Variants in PLAC8 observed in about 807,000 individuals in gnomAD.
PLAC8 encodes placenta associated 8.
In PLAC8, 6 loss-of-function variants were observed where a neutral mutation model predicts 12.6. The observed-to-expected ratio is 0.48, with a 90% CI of 0.26 to 0.94. PLAC8 has a LOEUF of 0.94. Ranked by LOEUF, PLAC8 falls within the 40% of genes least tolerant of loss-of-function variation. The pLI, the probability that PLAC8 is intolerant of heterozygous loss-of-function variation, is 0.14. For missense variants in PLAC8, 122 were observed against 152.7 expected, an observed-to-expected ratio of 0.80 and a Z score of 1.06; for synonymous variants, 54 against 52.6, an observed-to-expected ratio of 1.03 and a Z score of -0.11.
In PLAC8 at chr4:83,094,793, T is replaced by C; in HGVS notation, c.244-2A>G. 6 of 1,529,190 alleles carry C rather than the reference T, an allele frequency of 3.9e-6. No individual in the cohort carries two copies. Among genetic ancestry groups the C allele is most frequent in the Non-Finnish European group, 5.3e-6 (6 of 1,130,784 alleles). 94.7% of individuals were successfully genotyped at this position (1,529,190 alleles called of 1,614,324 possible). A position where few individuals can be genotyped will look rare whatever the true frequency, so the allele number is the denominator to read the frequency against. On this transcript the variant is annotated splice_acceptor_variant, in intron 3 of 4. Coordinates refer to ENST00000311507, the MANE Select transcript of PLAC8 (RefSeq NM_016619.3). LOFTEE classifies it high-confidence loss of function. ...CATATAGTCATCACAAATAGATCCC[T>C]GTTTGAAAACCAAAAAGAAATAAAA...
At chr4:83,112,104 G>A (rs1732434656) in intron 1 of PLAC8, among the ~76,000 whole-genome samples, 1 of 151,546 alleles carries the variant, frequency 6.6e-6, no homozygotes, top group African/African-American at 2.4e-5. Context: ...AACCCAGGAG[G>A]TGGAGGTTGT....
intron 1 of PLAC8, among the ~76,000 whole-genome samples, chr4:83,110,273 C>T (rs1047087700): frequency 7.8e-6 from 1 of 129,020 alleles, no homozygotes; most frequent in Non-Finnish European, 1.6e-5. Flanking sequence ...GATTTGAATG[C>T]TTATTAGATG....
chr4:83,098,090 C>T (rs185139495), intron 3 of PLAC8, among the ~76,000 whole-genome samples: 2 of 152,216 alleles, frequency 1.3e-5, no homozygotes, highest in East Asian at 3.9e-4. Flanking sequence ...ATCTCCTGAC[C>T]TTGTGATCTG....
At chr4:83,097,401 A>G (rs565428176) in intron 3 of PLAC8, among the ~76,000 whole-genome samples, 1 of 152,310 alleles carries the variant, frequency 6.6e-6, no homozygotes, top group Admixed American at 6.5e-5. Context: ...GGAAATAAGG[A>G]CAGTTTTAAA....
chr4:83,100,084 C>A (rs1394157069), intron 3 of PLAC8, among the ~76,000 whole-genome samples: 1 of 150,916 alleles, frequency 6.6e-6, no homozygotes, highest in Non-Finnish European at 1.5e-5. Context: ...TCTTGCCTAA[C>A]ATCCTGCCTA....
rs924843639 is a variant in PLAC8, at chr4:83,090,250, C to G, written c.*731G>C. ...ACATAGAAAGACCCCCAACTCTAGG[C>G]TGGACGCGGTGGCTCATGCCTGTAA... On this transcript the variant is annotated 3_prime_UTR_variant, in exon 5 of 5. Coordinates refer to ENST00000311507, the MANE Select transcript of PLAC8 (RefSeq NM_016619.3). 6.6e-6 allele frequency: 1 copy of G among 151,534 alleles called. No homozygotes were observed. The highest frequency in any genetic ancestry group is 1.5e-5 in the Non-Finnish European group (1 of 67,946). The allele number at this position is 151,534 out of a possible 1,614,324, so 9.4% of individuals were successfully genotyped here.
intron 1 of PLAC8, among the ~76,000 whole-genome samples, chr4:83,109,153 G>T (rs929232590): frequency 6.6e-6 from 1 of 152,124 alleles, no homozygotes; most frequent in Non-Finnish European, 1.5e-5. Context: ...TTAACTAGCC[G>T]TTTAAATGTC....
rs1184392225 is a variant in PLAC8, at chr4:83,114,658, G to A, written c.-30+8C>T. On this transcript the variant is annotated splice_region_variant and intron_variant, in intron 1 of 4. Coordinates refer to ENST00000311507, the MANE Select transcript of PLAC8 (RefSeq NM_016619.3). ...TTTAAAACAAGTTCTTACTTGTAAA[G>A]TACTTACAATTAGTAAACAAGGTTC... 6.6e-6 allele frequency: 1 copy of A among 151,614 alleles called. No individual in the cohort carries two copies. The highest frequency in any genetic ancestry group is 1.5e-5 in the Non-Finnish European group (1 of 67,956). The allele number at this position is 151,614 out of a possible 1,614,324, so 9.4% of individuals were successfully genotyped here. A position where few individuals can be genotyped will look rare whatever the true frequency, so the allele number is the denominator to read the frequency against.
At chr4:83,094,312 A>G (rs922781251) in intron 4 of PLAC8, 1 of 164,974 alleles carries the variant, frequency 6.1e-6, no homozygotes, top group African/African-American at 2.4e-5. Flanking sequence ...CTTCTATTTT[A>G]TAATTATTTA....
At chr4:83,104,784 A>G in intron 3 of PLAC8, 112 bp downstream of exon 3, 1 of 1,149,422 alleles carries the variant, frequency 8.7e-7, no homozygotes, top group Non-Finnish European at 1.3e-6. Flanking sequence ...CATGCTAGGG[A>G]ACTCTTATCA....
chr4:83,091,057 T>C (rs1731796641), intron 4 of PLAC8, 86 bp from the exon 5 acceptor site: 1 of 152,188 alleles, frequency 6.6e-6, no homozygotes, highest in Admixed American at 6.5e-5. Flanking sequence ...TCATTTTTGA[T>C]TGACGGAAAA....
intron 1 of PLAC8, among the ~76,000 whole-genome samples, chr4:83,109,166 C>G (rs79224633): frequency 6.6e-6 from 1 of 152,220 alleles, no homozygotes; most frequent in African/African-American, 2.4e-5. Flanking sequence ...TAAATGTCCA[C>G]TTGTTAAACT....
At position 83,107,620 on chromosome 4, in the gene PLAC8, CTTTTTTTTTTTTTTTTTTTTTTTTT is replaced by C. The variant is rs70946974; in HGVS notation, c.118+159_118+183del. Among the ~76,000 whole-genome samples the C allele has an allele frequency of 4.3e-4, 6 of 13,836 alleles. 1 individual carries two copies. Among genetic ancestry groups the C allele is most frequent in the Non-Finnish European group, 5.8e-4 (3 of 5,216 alleles). The allele number at this position is 13,836 out of a possible 152,430, so 9.1% of individuals were successfully genotyped here. ...GAAAATTAAGTTATCCATACGGAGG[CTTTTTTTTTTTTTTTTTTTTTTTTT>C]TTTTTTTTTTTTGCTAAACATACCA... On this transcript the variant is annotated intron_variant, in intron 2 of 4. Coordinates refer to ENST00000311507, the MANE Select transcript of PLAC8 (RefSeq NM_016619.3).
chr4:83,112,747 G>C (rs1203902744), intron 1 of PLAC8, among the ~76,000 whole-genome samples: 2 of 152,116 alleles, frequency 1.3e-5, no homozygotes, highest in East Asian at 3.8e-4. Context: ...AAAAATTCAA[G>C]GTATCTTTTA....
intron 3 of PLAC8, among the ~76,000 whole-genome samples, chr4:83,100,574 C>A (rs1439840586): frequency 6.6e-6 from 1 of 151,792 alleles, no homozygotes; most frequent in Non-Finnish European, 1.5e-5. Flanking sequence ...CGGACTAATA[C>A]CGACAGCAAA....
intron 2 of PLAC8, among the ~76,000 whole-genome samples, chr4:83,105,423 C>T (rs1732211441): frequency 6.6e-6 from 1 of 152,138 alleles, no homozygotes; most frequent in Admixed American, 6.5e-5. Flanking sequence ...AAAAATGGGG[C>T]CTACAAGGCC....
chr4:83,111,166 ACTATGTTGCCC>A (rs1560457965), intron 1 of PLAC8, among the ~76,000 whole-genome samples: 1 of 152,158 alleles, frequency 6.6e-6, no homozygotes, highest in African/African-American at 2.4e-5. Flanking sequence ...TGGGGGTCTC[ACTATGTTGCCC>A]AGGCTGACCT....
chr4:83,095,234 G>A (rs1428953064), intron 3 of PLAC8, among the ~76,000 whole-genome samples: 5 of 152,168 alleles, frequency 3.3e-5, no homozygotes, highest in African/African-American at 1.2e-4. Flanking sequence ...ATCCCAGGAT[G>A]AGAGCTAAGC....
chr4:83,104,670 C>G (rs1034867427), intron 3 of PLAC8, among the ~76,000 whole-genome samples: 4 of 152,152 alleles, frequency 2.6e-5, no homozygotes, highest in African/African-American at 9.7e-5. Context: ...GGTATGACAT[C>G]CATTGCAAAT....
Sources: allele counts gnomAD v4.1 joint callset (sites outside exome capture counted in the v4.1 genomes callset), GRCh38; gene constraint gnomAD v4.1.1; transcripts MANE v1.5; gene names NCBI Gene and HGNC (gene_info 2026-07-23, HGNC 2026-07-21).